Variants in BMPR1A observed in about 807,000 individuals in gnomAD.
The protein encoded by BMPR1A is bone morphogenetic protein receptor type-1A.
BMPR1A carries 7 observed loss-of-function variants against 66.0 expected under a neutral mutation model. That is an observed-to-expected ratio of 0.11 (90% CI 0.06 to 0.20). The LOEUF (loss-of-function observed/expected upper bound fraction) is 0.20. Ranked by LOEUF, BMPR1A falls within the 10% of genes least tolerant of loss-of-function variation. BMPR1A has a pLI of 1.00. For missense variants in BMPR1A, 408 were observed against 669.1 expected (o/e 0.61, Z 4.31); for synonymous variants, 200 against 229.7 (o/e 0.87, Z 1.17).
At chr10:86,905,659 G>T (rs2133494528) in intron 7 of BMPR1A, among the ~76,000 whole-genome samples, 1 of 151,890 alleles carries the variant, frequency 6.6e-6, no homozygotes, top group South Asian at 2.1e-4. Flanking sequence ...TTTCTGCTTG[G>T]GAAATAGTAT....
chr10:86,757,620 C>T (rs1192474432), intron 1 of BMPR1A, among the ~76,000 whole-genome samples: 3 of 152,206 alleles, frequency 2.0e-5, no homozygotes, highest in Non-Finnish European at 1.5e-5. Context: ...GCGTGGTACT[C>T]TTTCATGCTC....
chr10:86,795,640 T>TC (rs1841697666), intron 1 of BMPR1A, among the ~76,000 whole-genome samples: 1 of 152,092 alleles, frequency 6.6e-6, no homozygotes, highest in African/African-American at 2.4e-5. Flanking sequence ...CTTCAACCCT[T>TC]CCCCATAGTA....
chr10:86,757,628 C>T (rs888787213), intron 1 of BMPR1A, among the ~76,000 whole-genome samples: 3 of 152,186 alleles, frequency 2.0e-5, no homozygotes, highest in African/African-American at 7.2e-5. Flanking sequence ...CTCTTTCATG[C>T]TCTCAGATGT....
At chr10:86,897,737 G>A (rs1481416317) in intron 5 of BMPR1A, among the ~76,000 whole-genome samples, 1 of 152,070 alleles carries the variant, frequency 6.6e-6, no homozygotes, top group Non-Finnish European at 1.5e-5. Flanking sequence ...CTCCTGAGTA[G>A]CTGGGACCAC....
chr10:86,823,409 G>T (rs1842147571), intron 1 of BMPR1A, among the ~76,000 whole-genome samples: 1 of 152,276 alleles, frequency 6.6e-6, no homozygotes, highest in Non-Finnish European at 1.5e-5. Flanking sequence ...TAAACAACTT[G>T]GTCAAAGGAT....
intron 2 of BMPR1A, among the ~76,000 whole-genome samples, chr10:86,847,502 T>C (rs1842503635): frequency 6.6e-6 from 1 of 152,050 alleles, no homozygotes; most frequent in African/African-American, 2.4e-5. Flanking sequence ...GCCCCTTTTG[T>C]TTTTCTTTTT....
At chr10:86,839,676 A>T (rs534828317) in intron 2 of BMPR1A, among the ~76,000 whole-genome samples, 1 of 145,096 alleles carries the variant, frequency 6.9e-6, no homozygotes, top group Non-Finnish European at 1.5e-5. Flanking sequence ...AGAATTCAGA[A>T]TTTTTTTTTT....
At chr10:86,821,809 C>G (rs1842124024) in intron 1 of BMPR1A, among the ~76,000 whole-genome samples, 1 of 151,876 alleles carries the variant, frequency 6.6e-6, no homozygotes, top group South Asian at 2.1e-4. Flanking sequence ...TCCTTCCTCC[C>G]TCCTTTTGTT....
At chr10:86,840,493 A>ACCTTC (rs1411281790) in intron 2 of BMPR1A, among the ~76,000 whole-genome samples, 1 of 151,884 alleles carries the variant, frequency 6.6e-6, no homozygotes, top group African/African-American at 2.4e-5. Context: ...AATAATAATG[A>ACCTTC]CCTTCCCCAA....
intron 1 of BMPR1A, among the ~76,000 whole-genome samples, chr10:86,815,858 T>C (rs1044227828): frequency 6.6e-6 from 1 of 152,214 alleles, no homozygotes; most frequent in African/African-American, 2.4e-5. Flanking sequence ...TGACTGATGC[T>C]GGCCAGTGGA....
At chr10:86,775,626 C>T (rs1841334675) in intron 1 of BMPR1A, among the ~76,000 whole-genome samples, 1 of 151,814 alleles carries the variant, frequency 6.6e-6, no homozygotes, top group Non-Finnish European at 1.5e-5. Context: ...AAAGGATATA[C>T]TAAGGAAAAC....
intron 1 of BMPR1A, among the ~76,000 whole-genome samples, chr10:86,825,473 T>TTG (rs34683915): frequency 0.023 from 3,408 of 148,834 alleles, 37 homozygotes; most frequent in Non-Finnish European, 0.025. Context: ...CTTTTTTTGT[T>TTG]TGTGTGTGTG....
chr10:86,843,225 T>C (rs1376682466), intron 2 of BMPR1A, among the ~76,000 whole-genome samples: 1 of 152,222 alleles, frequency 6.6e-6, no homozygotes, highest in Non-Finnish European at 1.5e-5. Context: ...TCCTTTTCTC[T>C]ACTCTCTTCT....
At chr10:86,907,223 G>A (rs186842723) in intron 7 of BMPR1A, among the ~76,000 whole-genome samples, 2 of 152,204 alleles carry the variant, frequency 1.3e-5, no homozygotes, top group African/African-American at 2.4e-5. Context: ...CTTTTTAATG[G>A]GTCTCATAAG....
intron 1 of BMPR1A, among the ~76,000 whole-genome samples, chr10:86,800,452 T>C (rs894027026): frequency 1.3e-5 from 2 of 152,202 alleles, no homozygotes; most frequent in East Asian, 1.9e-4. Context: ...TGGAGTGCAA[T>C]GTGAAATCGG....
At chr10:86,851,278 G>A (rs538065347) in intron 2 of BMPR1A, among the ~76,000 whole-genome samples, 3 of 152,040 alleles carry the variant, frequency 2.0e-5, no homozygotes, top group Non-Finnish European at 2.9e-5. Flanking sequence ...TTTATGGTTG[G>A]TTTAATTCCC....
intron 3 of BMPR1A, among the ~76,000 whole-genome samples, chr10:86,878,125 A>G (rs1328129423): frequency 6.6e-6 from 1 of 152,226 alleles, no homozygotes; most frequent in Non-Finnish European, 1.5e-5. Flanking sequence ...AGGATTGTAG[A>G]ATGGTATTAA....
At chr10:86,788,363 A>G (rs1320838254) in intron 1 of BMPR1A, among the ~76,000 whole-genome samples, 1 of 152,116 alleles carries the variant, frequency 6.6e-6, no homozygotes, top group African/African-American at 2.4e-5. Flanking sequence ...GTCCTGTCTC[A>G]TTTTATTATT....
chr10:86,884,667 G>A (rs1049131949), intron 3 of BMPR1A, among the ~76,000 whole-genome samples: 7 of 151,776 alleles, frequency 4.6e-5, no homozygotes, highest in African/African-American at 9.7e-5. Flanking sequence ...CACCCGCCTC[G>A]GCCTCCCAAG....
Sources: gnomAD v4.1 joint callset for allele counts (sites outside exome capture counted in the v4.1 genomes callset) on GRCh38, gnomAD v4.1.1 for gene constraint, MANE v1.5 for transcripts, NCBI Gene and HGNC (gene_info 2026-07-23, HGNC 2026-07-21) for gene names.